Variants in SLC35D2 observed in about 807,000 individuals in gnomAD.
SLC35D2 encodes solute carrier family 35 member D2, also known as nucleotide sugar transporter SLC35D2.
Under a neutral mutation model 41.8 loss-of-function variants are expected in SLC35D2, and 43 were observed. The ratio of observed to expected loss-of-function variants is 1.03; its 90% CI spans 0.81 to 1.33. The LOEUF (loss-of-function observed/expected upper bound fraction) is 1.33. Ranked by LOEUF, SLC35D2 falls within the 40% of genes most tolerant of loss-of-function variation. SLC35D2 has a pLI of 0.00. For missense variants in SLC35D2, 380 were observed against 408.4 expected, an observed-to-expected ratio of 0.93 and a Z score of 0.60; for synonymous variants, 150 against 163.9, an observed-to-expected ratio of 0.92 and a Z score of 0.65.
intron 10 of SLC35D2, 84 bp from the exon 11 acceptor site, chr9:96,322,164 T>TG: frequency 1.2e-6 from 1 of 846,740 alleles, no homozygotes; most frequent in East Asian, 2.4e-5. Flanking sequence ...AAACTAGACA[T>TG]TTTAGTTACT....
At chr9:96,338,769 G>C (rs1452423271) in intron 8 of SLC35D2, among the ~76,000 whole-genome samples, 1 of 152,002 alleles carries the variant, frequency 6.6e-6, no homozygotes, top group Non-Finnish European at 1.5e-5. Flanking sequence ...CTAATCAAAG[G>C]AGCAGAAAAC....
chr9:96,331,505 T>G (rs1041661679), intron 9 of SLC35D2, among the ~76,000 whole-genome samples: 6 of 152,100 alleles, frequency 3.9e-5, no homozygotes, highest in African/African-American at 1.4e-4. Context: ...CCCTTTTTTT[T>G]TCTTTCCCTC....
In SLC35D2 at chr9:96,351,845, T is replaced by C. The variant is rs1417452614; in HGVS notation, c.419+193A>G. ...ACCACAAACATGCATTATTTGTCTATGGTAAAATTACAACTTTTAAAAAAT... is the reference window on the plus strand; with the variant it reads ...ACCACAAACATGCATTATTTGTCTACGGTAAAATTACAACTTTTAAAAAAT... On this transcript the variant is annotated intron_variant, in intron 5 of 11. Coordinates refer to ENST00000253270, the MANE Select transcript of SLC35D2 (RefSeq NM_007001.3). Among the ~76,000 whole-genome samples the C allele has an allele frequency of 3.9e-5, 6 of 152,310 alleles. No individual in the cohort carries two copies. In the East Asian group the frequency reaches 9.6e-4, roughly 24 times the overall value.
intron 6 of SLC35D2, chr9:96,350,829 A>T (rs190233687): frequency 7.1e-6 from 2 of 280,492 alleles, no homozygotes; most frequent in African/African-American, 4.3e-5. Context: ...AACATTCAGT[A>T]AGAAATGTAA....
intron 8 of SLC35D2, among the ~76,000 whole-genome samples, chr9:96,337,186 C>T (rs955836984): frequency 6.6e-6 from 1 of 151,964 alleles, no homozygotes; most frequent in Non-Finnish European, 1.5e-5. Context: ...TTTTATAAAT[C>T]GTTTTAGAAG....
chr9:96,333,646 G>A (rs1038141121), intron 9 of SLC35D2, among the ~76,000 whole-genome samples: 14 of 150,570 alleles, frequency 9.3e-5, no homozygotes, highest in Admixed American at 8.6e-4. Context: ...ATGGGATCAA[G>A]CCTGTCATGG....
At position 96,343,891 on chromosome 9, in the gene SLC35D2, G is replaced by C; in HGVS notation, c.684+13C>G. ...CCAGCTAAGGAAAACTGTAATGATT[G>C]TCATCAGCTCACCTGTTGCAGGTCT... On this transcript the variant is annotated intron_variant, in intron 8 of 11. Transcript: ENST00000253270. 1 of 1,487,984 alleles carries C rather than the reference G, an allele frequency of 6.7e-7. No homozygotes were observed. The highest frequency in any genetic ancestry group is 1.3e-5 in the South Asian group (1 of 77,242). The allele number at this position is 1,487,984 out of a possible 1,614,324, so 92.2% of individuals were successfully genotyped here.
At chr9:96,362,330 A>G (rs999534695) in intron 3 of SLC35D2, among the ~76,000 whole-genome samples, 7 of 152,170 alleles carry the variant, frequency 4.6e-5, no homozygotes. Context: ...CAACATGGAG[A>G]AACCCCATCT....
intron 4 of SLC35D2, among the ~76,000 whole-genome samples, chr9:96,355,067 T>G (rs1026710940): frequency 6.6e-6 from 1 of 151,326 alleles, no homozygotes; most frequent in Non-Finnish European, 1.5e-5. Flanking sequence ...TTGCCCAGGC[T>G]GGAGTGCAGT....
At chr9:96,364,153 T>C (rs997287280) in intron 3 of SLC35D2, among the ~76,000 whole-genome samples, 7 of 151,878 alleles carry the variant, frequency 4.6e-5, no homozygotes, top group Non-Finnish European at 1.0e-4. Flanking sequence ...CCATCTCTAC[T>C]AAAAATACAA....
chr9:96,380,192 C>T (rs1261924799), intron 1 of SLC35D2, among the ~76,000 whole-genome samples: 1 of 152,072 alleles, frequency 6.6e-6, no homozygotes, highest in Admixed American at 6.6e-5. Context: ...CCACCGCGCC[C>T]GGCCCTTAGA....
intron 1 of SLC35D2, among the ~76,000 whole-genome samples, chr9:96,375,398 T>C (rs1830899036): frequency 6.7e-6 from 1 of 149,164 alleles, no homozygotes; most frequent in African/African-American, 2.5e-5. Flanking sequence ...GCCAACATGA[T>C]GAAACCCCGT....
At chr9:96,322,784 T>A (rs1279968543) in intron 10 of SLC35D2, among the ~76,000 whole-genome samples, 2 of 136,296 alleles carry the variant, frequency 1.5e-5, no homozygotes. Context: ...AGTGGCACAA[T>A]CTCAGCTCAC....
intron 4 of SLC35D2, among the ~76,000 whole-genome samples, chr9:96,358,972 C>A (rs563686285): frequency 6.6e-6 from 1 of 151,884 alleles, no homozygotes; most frequent in African/African-American, 2.4e-5. Context: ...CTGTGCAAGA[C>A]TCCATCTCAA....
At chr9:96,371,474 CAAAAAAAAAAAAAAAAAAA>C (rs539576375) in intron 1 of SLC35D2, among the ~76,000 whole-genome samples, 2 of 46,644 alleles carry the variant, frequency 4.3e-5, no homozygotes, top group African/African-American at 1.5e-4. Context: ...GACTCTGTCT[CAAAAAAAAAAAAAAAAAAA>C]AAAAAAAAAA....
chr9:96,370,502 C>T (rs1224774987), intron 1 of SLC35D2, among the ~76,000 whole-genome samples: 1 of 151,848 alleles, frequency 6.6e-6, no homozygotes, highest in African/African-American at 2.4e-5. Context: ...GCTAAAAATA[C>T]AAAAATTAGC....
At position 96,336,732 on chromosome 9, in the gene SLC35D2, A is replaced by T; in HGVS notation, c.737T>A (p.Leu246His). The T allele has an allele frequency of 6.3e-7, 1 of 1,585,994 alleles. No homozygotes were observed. Among genetic ancestry groups the T allele is most frequent in the Non-Finnish European group, 8.6e-7 (1 of 1,159,868 alleles). ...KNVVFILQFL[L>H]SCFLGFLLMY... ...GGTTTCTTACCCCAAAAAACAGGAAAGAAGAAACTGTAGGATAAACACAAC... is the reference window on the plus strand; with the variant it reads ...GGTTTCTTACCCCAAAAAACAGGAATGAAGAAACTGTAGGATAAACACAAC... The change falls in exon 9 of 12, where the codon CTT becomes CAT. Residue 246 changes from leucine to histidine, a missense_variant. Physicochemically the swap from Leu to His is moderately conservative, Grantham distance 99. Coordinates refer to ENST00000253270, the MANE Select transcript of SLC35D2 (RefSeq NM_007001.3).
chr9:96,363,028 G>A (rs536271955), intron 3 of SLC35D2, among the ~76,000 whole-genome samples: 26 of 151,916 alleles, frequency 1.7e-4, no homozygotes, highest in African/African-American at 4.8e-4. Context: ...CACCACGCCC[G>A]GCTAATTTTT....
chr9:96,373,612 G>C (rs1278279324), intron 1 of SLC35D2, among the ~76,000 whole-genome samples: 1 of 151,414 alleles, frequency 6.6e-6, no homozygotes, highest in Non-Finnish European at 1.5e-5. Flanking sequence ...GCTTGAACCT[G>C]GTAAGCGGAG....
Sources: gnomAD v4.1 joint callset for allele counts (sites outside exome capture counted in the v4.1 genomes callset) on GRCh38, gnomAD v4.1.1 for gene constraint, MANE v1.5 for transcripts, NCBI Gene and HGNC (gene_info 2026-07-23, HGNC 2026-07-21) for gene names.